Variants in UBR2 observed in about 807,000 individuals in gnomAD.
The protein encoded by UBR2 is E3 ubiquitin-protein ligase UBR2.
A neutral mutation model predicts 247.9 loss-of-function variants in UBR2; 92 were observed. The ratio of observed to expected loss-of-function variants is 0.37; its 90% CI spans 0.31 to 0.44. The LOEUF is 0.44. UBR2 is among the 20% of genes least tolerant of loss of function. The pLI, the probability that UBR2 is intolerant of heterozygous loss-of-function variation, is 1.00. For missense variants in UBR2, 1,613 were observed against 2,112.6 expected (o/e 0.76, Z 4.64); for synonymous variants, 672 against 693.5 (o/e 0.97, Z 0.49).
At chr6:42,688,663 T>C (rs750887517) in intron 45 of UBR2, among the ~76,000 whole-genome samples, 6 of 152,232 alleles carry the variant, frequency 3.9e-5, no homozygotes, top group Non-Finnish European at 8.8e-5. Flanking sequence ...GTGAAACTTC[T>C]CTGATTTTCT....
intron 2 of UBR2, among the ~76,000 whole-genome samples, chr6:42,590,338 G>C (rs947037891): frequency 2.6e-5 from 4 of 152,098 alleles, no homozygotes; most frequent in African/African-American, 9.7e-5. Context: ...TACTATAACT[G>C]TACACATTTG....
chr6:42,635,591 G>C, intron 14 of UBR2, 45 bp downstream of exon 14: 2 of 1,572,688 alleles, frequency 1.3e-6, no homozygotes, highest in Non-Finnish European at 1.7e-6. Flanking sequence ...AGTGGAAGAG[G>C]GAGGAATAAG....
chr6:42,635,818 T>C (rs565380830), intron 14 of UBR2, among the ~76,000 whole-genome samples: 1 of 152,334 alleles, frequency 6.6e-6, no homozygotes, highest in East Asian at 1.9e-4. Context: ...TTCTAGACTT[T>C]GAGGATATAA....
intron 8 of UBR2, among the ~76,000 whole-genome samples, chr6:42,613,959 G>A (rs999826161): frequency 6.6e-6 from 1 of 151,076 alleles, no homozygotes; most frequent in Non-Finnish European, 1.5e-5. Context: ...TGGGTCACTT[G>A]AGCCCAAGAG....
intron 26 of UBR2, among the ~76,000 whole-genome samples, chr6:42,657,162 G>A (rs1459653210): frequency 1.3e-5 from 2 of 151,044 alleles, no homozygotes; most frequent in African/African-American, 4.9e-5. Context: ...TTGAACCCAG[G>A]AGGTGGAGGT....
At chr6:42,663,133 AT>A (rs1797915807) in intron 31 of UBR2, 124 bp from the exon 32 acceptor site, 2 of 770,314 alleles carry the variant, frequency 2.6e-6, no homozygotes, top group African/African-American at 3.6e-5. Flanking sequence ...GTTAAAAATA[AT>A]TTAGTTTAAG....
chr6:42,627,702 A>G (rs1010149006), intron 11 of UBR2, among the ~76,000 whole-genome samples: 1 of 151,708 alleles, frequency 6.6e-6, no homozygotes, highest in Non-Finnish European at 1.5e-5. Context: ...AGTAGAGACA[A>G]TGTCTTGCTA....
chr6:42,599,508 T>G (rs1793217116), intron 4 of UBR2, among the ~76,000 whole-genome samples: 1 of 152,204 alleles, frequency 6.6e-6, no homozygotes, highest in Non-Finnish European at 1.5e-5. Flanking sequence ...TTTAAACCTA[T>G]GTAGTATAGA....
In UBR2 at chr6:42,602,625, G is replaced by A. The variant is rs540258484; in HGVS notation, c.532-963G>A. Among the ~76,000 whole-genome samples, 249 of 150,096 alleles carry A rather than the reference G, an allele frequency of 1.7e-3. 1 individual carries two copies. The highest frequency in any genetic ancestry group is 5.0e-3 in the African/African-American group (203 of 40,952). On this transcript the variant is annotated intron_variant, in intron 4 of 46. Coordinates refer to ENST00000372901, the MANE Select transcript of UBR2 (RefSeq NM_001363705.2). Reference sequence around the variant, plus strand: ...TGTGTTTTTGTGTGTGTGTGTGTGTGTATATATACATTTACATTAATATAT... The same window carrying A: ...TGTGTTTTTGTGTGTGTGTGTGTGTATATATATACATTTACATTAATATAT...
At chr6:42,662,656 A>G (rs943692429) in intron 31 of UBR2, among the ~76,000 whole-genome samples, 1 of 152,204 alleles carries the variant, frequency 6.6e-6, no homozygotes, top group African/African-American at 2.4e-5. Flanking sequence ...GTTACTTCCC[A>G]AAATTGTAAT....
intron 7 of UBR2, among the ~76,000 whole-genome samples, chr6:42,611,795 C>A (rs1192954684): frequency 6.6e-6 from 1 of 151,654 alleles, no homozygotes; most frequent in Non-Finnish European, 1.5e-5. Flanking sequence ...AGTCCCAGCT[C>A]CTTGGGAGGC....
In UBR2 at chr6:42,653,519, A is replaced by C. The variant is rs759839408; in HGVS notation, c.2769+874A>C. On this transcript the variant is annotated intron_variant, in intron 25 of 46. Coordinates refer to ENST00000372901, the MANE Select transcript of UBR2 (RefSeq NM_001363705.2). ...GGAAGCCAAGTTTCAATGAGGTTCC[A>C]TTAACTTCCCATATTAATCTACTAA... Among the ~76,000 whole-genome samples, 108 of 151,260 alleles carry C rather than the reference A, an allele frequency of 7.1e-4. 1 individual carries two copies. The highest frequency in any genetic ancestry group is 1.3e-3 in the Non-Finnish European group (86 of 67,968).
At chr6:42,620,751 A>G (rs748354869) in intron 11 of UBR2, among the ~76,000 whole-genome samples, 22 of 151,694 alleles carry the variant, frequency 1.5e-4, no homozygotes, top group Non-Finnish European at 2.9e-4. Flanking sequence ...CACTGCACCC[A>G]GCCAGGTGTC....
intron 44 of UBR2, among the ~76,000 whole-genome samples, chr6:42,686,489 A>G (rs1365503640): frequency 6.6e-6 from 1 of 151,884 alleles, no homozygotes; most frequent in Admixed American, 6.6e-5. Flanking sequence ...TTCTACACAG[A>G]CACAGTAACA....
Position 42,606,565 on chromosome 6 carries a change from G to A in UBR2, c.802-24G>A, listed in dbSNP as rs772606415. On this transcript the variant is annotated intron_variant, in intron 6 of 46. Coordinates refer to ENST00000372901, the MANE Select transcript of UBR2 (RefSeq NM_001363705.2). ...TAATATTGAATACAATACTTTTACA[G>A]CTTAATTTTAAATATCTTTACAGGG... is the stretch of plus-strand genomic sequence containing the variant. 3 of 1,601,438 alleles carry A rather than the reference G, an allele frequency of 1.9e-6. 1 individual carries two copies. Among genetic ancestry groups the A allele is most frequent in the East Asian group, 4.5e-5 (2 of 44,478 alleles).
intron 3 of UBR2, among the ~76,000 whole-genome samples, chr6:42,593,786 C>T (rs1264879367): frequency 6.6e-6 from 1 of 152,108 alleles, no homozygotes; most frequent in Non-Finnish European, 1.5e-5. Context: ...AAATGCAGCA[C>T]CCTTAGACTC....
intron 42 of UBR2, among the ~76,000 whole-genome samples, chr6:42,681,628 T>C (rs558874152): frequency 2.2e-4 from 33 of 152,296 alleles, no homozygotes; most frequent in Admixed American, 1.1e-3. Context: ...AAAACTGGTA[T>C]ACTGGTATCC....
chr6:42,614,415 C>CATACATACATATATACGTATATAT (rs1491517686), intron 8 of UBR2, among the ~76,000 whole-genome samples: 1 of 89,184 alleles, frequency 1.1e-5, no homozygotes, highest in Non-Finnish European at 2.2e-5. Context: ...TATGTATGTA[C>CATACATACATATATACGTATATAT]GTACGTACAT....
chr6:42,637,973 T>G (rs1414446157), intron 15 of UBR2, among the ~76,000 whole-genome samples: 1 of 152,186 alleles, frequency 6.6e-6, no homozygotes, highest in Non-Finnish European at 1.5e-5. Context: ...TTGTAAAATA[T>G]GTAGTTTATG....
Sources: allele counts gnomAD v4.1 joint callset (sites outside exome capture counted in the v4.1 genomes callset), GRCh38; gene constraint gnomAD v4.1.1; transcripts MANE v1.5; gene names NCBI Gene and HGNC (gene_info 2026-07-23, HGNC 2026-07-21).